The following PARN variants were observed in gnomAD, a reference collection of about 807,000 sequenced individuals.
The protein encoded by PARN is poly(A)-specific ribonuclease PARN.
A neutral mutation model predicts 102.8 loss-of-function variants in PARN; 71 were observed. That is an observed-to-expected ratio of 0.69 (90% CI 0.57 to 0.84). The LOEUF (loss-of-function observed/expected upper bound fraction) is 0.84, where lower values mean the gene tolerates loss of function less well. PARN is among the 40% of genes least tolerant of loss of function. The pLI, the probability that PARN is intolerant of heterozygous loss-of-function variation, is 0.00. For synonymous variants in PARN, 261 were observed against 252.9 expected (o/e 1.03, Z -0.30); for missense variants, 782 against 760.9 (o/e 1.03, Z -0.33).
chr16:14,595,142 C>T (rs1274485343), intron 12 of PARN, among the ~76,000 whole-genome samples: 1 of 152,180 alleles, frequency 6.6e-6, no homozygotes, highest in Non-Finnish European at 1.5e-5. Flanking sequence ...ATGTACTTCT[C>T]GCGAGGTATG....
chr16:14,570,793 C>T (rs979901995), intron 18 of PARN, among the ~76,000 whole-genome samples: 4 of 136,204 alleles, frequency 2.9e-5, no homozygotes, highest in Non-Finnish European at 6.1e-5. Context: ...GCGAGGGCAA[C>T]GTAATGAGGC....
chr16:14,441,471 C>G (rs1301568681), intron 23 of PARN, among the ~76,000 whole-genome samples: 2 of 152,224 alleles, frequency 1.3e-5, no homozygotes, highest in Admixed American at 6.5e-5. Flanking sequence ...CCCATTGTAT[C>G]CTCTTCCACA....
At chr16:14,595,446 C>T (rs1474845142) in intron 12 of PARN, among the ~76,000 whole-genome samples, 1 of 152,120 alleles carries the variant, frequency 6.6e-6, no homozygotes, top group Admixed American at 6.6e-5. Flanking sequence ...CTCAATGCAG[C>T]CTCAAACTCC....
intron 22 of PARN, among the ~76,000 whole-genome samples, chr16:14,451,106 G>A (rs1391650388): frequency 6.6e-6 from 1 of 152,098 alleles, no homozygotes; most frequent in African/African-American, 2.4e-5. Context: ...GACTATATAG[G>A]TTTACCTAAT....
At chr16:14,572,567 T>C (rs1469562804) in intron 18 of PARN, among the ~76,000 whole-genome samples, 98 of 152,228 alleles carry the variant, frequency 6.4e-4, no homozygotes, top group Admixed American at 6.4e-3. Flanking sequence ...TACATACAGC[T>C]GTTATGTATA....
chr16:14,443,451 C>T (rs1286176241), intron 23 of PARN, among the ~76,000 whole-genome samples: 1 of 151,852 alleles, frequency 6.6e-6, no homozygotes, highest in Non-Finnish European at 1.5e-5. Context: ...AGCGATTCTC[C>T]TGCCTCAGCC....
At chr16:14,538,230 T>C (rs1399591142) in intron 21 of PARN, among the ~76,000 whole-genome samples, 1 of 151,496 alleles carries the variant, frequency 6.6e-6, no homozygotes, top group Non-Finnish European at 1.5e-5. Context: ...TTTTTTTTTT[T>C]TTTTTTTTGA....
At chr16:14,584,321 G>C in intron 16 of PARN, 26 bp downstream of exon 16, 1 of 1,479,056 alleles carries the variant, frequency 6.8e-7, no homozygotes, top group Non-Finnish European at 9.5e-7. Context: ...AAAGAGTTTG[G>C]AGGGTTTCCG....
At chr16:14,555,002 T>C (rs941841341) in intron 19 of PARN, among the ~76,000 whole-genome samples, 2 of 152,188 alleles carry the variant, frequency 1.3e-5, no homozygotes, top group Admixed American at 1.3e-4. Context: ...AATGGCAATA[T>C]TTAGCATACA....
intron 22 of PARN, among the ~76,000 whole-genome samples, chr16:14,463,839 G>T (rs77322240): frequency 0.046 from 2,499 of 54,574 alleles, 97 homozygotes; most frequent in Non-Finnish European, 0.098. Flanking sequence ...TTTTTTTTTT[G>T]GGGGGGGGGG....
intron 18 of PARN, among the ~76,000 whole-genome samples, chr16:14,579,367 A>C (rs1479695204): frequency 1.3e-5 from 2 of 152,250 alleles, no homozygotes; most frequent in Non-Finnish European, 2.9e-5. Context: ...CCCAGTTTGC[A>C]TCCAACATCT....
At chr16:14,485,533 T>G (rs1226024699) in intron 21 of PARN, among the ~76,000 whole-genome samples, 2 of 152,206 alleles carry the variant, frequency 1.3e-5, no homozygotes, top group Non-Finnish European at 2.9e-5. Flanking sequence ...CCTAAGCTTG[T>G]GACAGATTAA....
chr16:14,492,833 T>A (rs543318540), intron 21 of PARN, among the ~76,000 whole-genome samples: 70 of 152,274 alleles, frequency 4.6e-4, no homozygotes, highest in African/African-American at 1.6e-3. Flanking sequence ...CAGGCCTGGG[T>A]TAGAATCCTG....
intron 21 of PARN, among the ~76,000 whole-genome samples, chr16:14,513,646 C>A (rs1327505271): frequency 6.6e-6 from 1 of 152,202 alleles, no homozygotes; most frequent in Non-Finnish European, 1.5e-5. Flanking sequence ...CACTGGCCTT[C>A]TGCCACTCCT....
At chr16:14,593,198 T>C (rs1231359532) in intron 13 of PARN, 103 bp downstream of exon 13, 2 of 652,926 alleles carry the variant, frequency 3.1e-6, no homozygotes, top group Non-Finnish European at 5.4e-6. Flanking sequence ...TACAAGGAAA[T>C]GGCACCCAAG....
chr16:14,524,007 T>C (rs1965871473), intron 21 of PARN, among the ~76,000 whole-genome samples: 1 of 152,132 alleles, frequency 6.6e-6, no homozygotes, highest in African/African-American at 2.4e-5. Context: ...AATGGTTAAG[T>C]ATTTGTTTAC....
intron 21 of PARN, among the ~76,000 whole-genome samples, chr16:14,540,629 A>T (rs1966801874): frequency 1.3e-5 from 2 of 152,322 alleles, no homozygotes; most frequent in Non-Finnish European, 1.5e-5. Context: ...GAAGGTCTGG[A>T]TCACAAAATA....
At chr16:14,545,529 A>G (rs1271725106) in intron 21 of PARN, among the ~76,000 whole-genome samples, 2 of 152,252 alleles carry the variant, frequency 1.3e-5, no homozygotes, top group Non-Finnish European at 2.9e-5. Flanking sequence ...CGCAGTACTT[A>G]GAGGATAATT....
chr16:14,532,695 C>CGGGGGGGCGACCGTCT (rs1555493683), intron 21 of PARN, among the ~76,000 whole-genome samples: 3 of 151,544 alleles, frequency 2.0e-5, no homozygotes, highest in Non-Finnish European at 4.4e-5. Flanking sequence ...ACCTCCCAGA[C>CGGGGGGGCGACCGTCT]GGGGGGGCGA....
Sources: allele counts gnomAD v4.1 joint callset (sites outside exome capture counted in the v4.1 genomes callset), GRCh38; gene constraint gnomAD v4.1.1; transcripts MANE v1.5; gene names NCBI Gene and HGNC (gene_info 2026-07-23, HGNC 2026-07-21).